Variants in BPIFB3 observed in about 807,000 individuals in gnomAD.
The protein encoded by BPIFB3 is BPI fold containing family B member 3, also known as BPI fold-containing family B member 3.
Under a neutral mutation model 53.1 loss-of-function variants are expected in BPIFB3, and 49 were observed. The observed-to-expected ratio is 0.92, with a 90% confidence interval of 0.73 to 1.17. The LOEUF (loss-of-function observed/expected upper bound fraction) is 1.17, where lower values mean the gene tolerates loss of function less well. BPIFB3 is among the 50% of genes most tolerant of loss of function. BPIFB3 has a pLI of 0.00. For missense variants in BPIFB3, 628 were observed against 592.5 expected (o/e 1.06, Z -0.62); for synonymous variants, 271 against 269.6 (o/e 1.01, Z -0.05).
intron 9 of BPIFB3, 83 bp downstream of exon 10, chr20:33,066,960 G>C: frequency 7.1e-7 from 1 of 1,411,946 alleles, no homozygotes. Context: ...TCTCAATACA[G>C]CTCTCCAGGC....
At chr20:33,069,835 C>T in intron 10 of BPIFB3, 53 bp from the exon 12 acceptor site, 1 of 1,589,002 alleles carries the variant, frequency 6.3e-7, no homozygotes, top group South Asian at 1.1e-5. Flanking sequence ...CAGACCCGTC[C>T]TCAAGCTCCT....
At chr20:33,059,614 C>G in intron 3 of BPIFB3, 132 bp downstream of exon 4, 1 of 747,052 alleles carries the variant, frequency 1.3e-6, no homozygotes, top group Non-Finnish European at 2.2e-6. Flanking sequence ...TATTTCCTCC[C>G]CAAGGGACTC....
exon 7 of BPIFB3, chr20:33,064,469 T>C: frequency 6.2e-7 from 1 of 1,614,080 alleles, no homozygotes; most frequent in Non-Finnish European, 8.5e-7. Flanking sequence ...CTGGTGTCCC[T>C]TGGGGCTCTT....
At chr20:33,059,197 G>T (rs1290620403) in intron 2 of BPIFB3, among the ~76,000 whole-genome samples, 181 bp from the exon 4 acceptor site, 1 of 152,150 alleles carries the variant, frequency 6.6e-6, no homozygotes, top group Admixed American at 6.5e-5. Flanking sequence ...GTAGGAACTA[G>T]TATCGCCCCA....
chr20:33,061,717 G>A (rs376469535), intron 4 of BPIFB3, 51 bp from the exon 6 acceptor site: 2 of 1,576,330 alleles, frequency 1.3e-6, no homozygotes, highest in Non-Finnish European at 1.7e-6. Context: ...TGTCATCTGG[G>A]TTGAACCGTC....
chr20:33,056,824 G>T lies in BPIFB3; in HGVS notation c.281+126G>T, dbSNP rs532546836. The T allele has an allele frequency of 1.1e-4, 135 of 1,207,148 alleles. 1 individual carries two copies. The South Asian group carries it at 2.1e-3, about 19-fold the overall frequency. The allele number at this position is 1,207,148 out of a possible 1,614,324, so 74.8% of individuals were successfully genotyped here. A position where few individuals can be genotyped will look rare whatever the true frequency, so the allele number is the denominator to read the frequency against. On this transcript the variant is annotated intron_variant, in intron 2 of 14. Coordinates refer to ENST00000375494, the Ensembl canonical transcript of BPIFB3. ...GTTGTGTGGGAGGGTTGTGATCCGG[G>T]TCTAAAAATGATGACTCTACTGCAT...
At chr20:33,060,750 A>G (rs1980420984) in intron 4 of BPIFB3, among the ~76,000 whole-genome samples, 1 of 152,104 alleles carries the variant, frequency 6.6e-6, no homozygotes, top group Non-Finnish European at 1.5e-5. Flanking sequence ...TTTTTAATAG[A>G]GACGGGGTTT....
In BPIFB3 at chr20:33,064,659, C is replaced by G; in HGVS notation, c.745-7C>G. The G allele has an allele frequency of 6.2e-7, 1 of 1,613,476 alleles. No homozygotes were observed. The highest frequency in any genetic ancestry group is 8.5e-7 in the Non-Finnish European group (1 of 1,179,682). On this transcript the variant is annotated splice_region_variant and splice_polypyrimidine_tract_variant and intron_variant, in intron 7 of 14. Transcript: ENST00000375494. ...ACCCTCCTCGGCCCTGTTTCCTGCCCCTGCAGCCTATCGTGAAGAGTGTAG... is the reference window on the plus strand; with the variant it reads ...ACCCTCCTCGGCCCTGTTTCCTGCCGCTGCAGCCTATCGTGAAGAGTGTAG...
chr20:33,069,427 T>C (rs1240676862), intron 10 of BPIFB3, among the ~76,000 whole-genome samples: 5 of 152,198 alleles, frequency 3.3e-5, no homozygotes, highest in Non-Finnish European at 5.9e-5. Context: ...TCATTGTCCT[T>C]CTGCCCCATC....
At chr20:33,069,068 A>T in intron 10 of BPIFB3, 95 bp downstream of exon 11, 1 of 1,397,372 alleles carries the variant, frequency 7.2e-7, no homozygotes, top group Non-Finnish European at 9.7e-7. Context: ...CCCTGATTTC[A>T]GGGTGGGAGC....
intron 4 of BPIFB3, 52 bp downstream of exon 5, chr20:33,060,083 C>T (rs1414692967): frequency 1.3e-6 from 2 of 1,590,370 alleles, no homozygotes; most frequent in Non-Finnish European, 8.6e-7. Context: ...GATCATCTCG[C>T]ACCCATCTGG....
chr20:33,059,514 G>A (rs765465370), intron 3 of BPIFB3, 32 bp downstream of exon 4: 4 of 1,511,886 alleles, frequency 2.6e-6, no homozygotes, highest in Non-Finnish European at 3.6e-6. Context: ...CTACCCTCCT[G>A]CTTCCTATCC....
In BPIFB3 at chr20:33,068,806, C is replaced by T. The variant is rs113939875; in HGVS notation, c.982C>T (p.Leu328=). 1.1e-5 allele frequency: 17 copies of T among 1,613,412 alleles called. No individual in the cohort carries two copies. In the African/African-American group the frequency reaches 1.3e-4, roughly 13 times the overall value. The change falls in exon 10 of 15, where the codon CTG becomes TTG. Residue 328 remains leucine, a synonymous_variant. Transcript: ENST00000375494. ...TTATGCCCCTGCATTTCTCCAGGCC[C>T]TGGGGAAGCTGCCCCTGCACCAGCA...
At chr20:33,072,815 G>A (rs752517399) in intron 14 of BPIFB3, 22 bp downstream of exon 15, 24 of 1,571,500 alleles carry the variant, frequency 1.5e-5, no homozygotes, top group Admixed American at 5.0e-5. Context: ...CTGCAGATAC[G>A]GCCCAGGTGG....
At chr20:33,060,787 AC>A (rs2146383208) in intron 4 of BPIFB3, among the ~76,000 whole-genome samples, 1 of 152,042 alleles carries the variant, frequency 6.6e-6, no homozygotes, top group East Asian at 1.9e-4. Flanking sequence ...CTGGTCTCGA[AC>A]TCCTGACCTC....
chr20:33,065,639 G>A (rs1980641570), intron 8 of BPIFB3, among the ~76,000 whole-genome samples: 1 of 152,116 alleles, frequency 6.6e-6, no homozygotes, highest in African/African-American at 2.4e-5. Context: ...ACTAGGGTTG[G>A]ATTGTACCAA....
intron 3 of BPIFB3, 74 bp from the exon 5 acceptor site, chr20:33,059,817 A>T: frequency 6.4e-7 from 1 of 1,559,568 alleles, no homozygotes; most frequent in Non-Finnish European, 8.7e-7. Context: ...GGCCACTGGC[A>T]GGGCCACCCT....
chr20:33,059,566 C>T (rs748039257), intron 3 of BPIFB3, 84 bp downstream of exon 4: 3 of 982,876 alleles, frequency 3.1e-6, no homozygotes, highest in African/African-American at 3.2e-5. Flanking sequence ...GCTGTCCCCC[C>T]ACTCCCACCC....
chr20:33,061,952 C>G (rs570173123), intron 5 of BPIFB3, 121 bp downstream of exon 6: 6 of 1,167,398 alleles, frequency 5.1e-6, no homozygotes, highest in Non-Finnish European at 7.4e-6. Context: ...CCACACCCAC[C>G]TGGTAATCCC....
Sources: allele counts gnomAD v4.1 joint callset (sites outside exome capture counted in the v4.1 genomes callset), GRCh38; gene constraint gnomAD v4.1.1; transcripts MANE v1.5; gene names NCBI Gene and HGNC (gene_info 2026-07-23, HGNC 2026-07-21).